The following GRIN2C variants were observed in gnomAD, a reference collection of about 807,000 sequenced individuals.
The protein encoded by GRIN2C is glutamate ionotropic receptor NMDA type subunit 2C, also known as glutamate receptor ionotropic, NMDA 2C.
Under a neutral mutation model 77.7 loss-of-function variants are expected in GRIN2C, and 64 were observed. That is an observed-to-expected ratio of 0.82 (90% CI 0.67 to 1.01). The LOEUF (loss-of-function observed/expected upper bound fraction) is 1.01, where lower values mean the gene tolerates loss of function less well. GRIN2C is among the 50% of genes least tolerant of loss of function. The pLI is 0.00. For missense variants in GRIN2C, 1,549 were observed against 1,486.0 expected, an observed-to-expected ratio of 1.04 and a Z score of -0.70; for synonymous variants, 792 against 643.4, an observed-to-expected ratio of 1.23 and a Z score of -3.49.
chr17:74,860,443 G>C (rs1295003495), upstream of GRIN2C: 6 of 456,622 alleles, frequency 1.3e-5, no homozygotes, highest in Non-Finnish European at 2.6e-5. Flanking sequence ...TTCCCGTCTT[G>C]CTCACCCAGC....
At position 74,859,506 on chromosome 17, in the gene GRIN2C, C is replaced by T. The variant is rs995543417; in HGVS notation, c.-16+238G>A. On this transcript the variant is annotated intron_variant, in intron 1 of 12. Coordinates refer to ENST00000293190, the MANE Select transcript of GRIN2C (RefSeq NM_000835.6). The surrounding 1 kb of genome is among the most constrained non-coding windows in gnomAD (Gnocchi z 5.9). ...ACCCACCAGCAGAACCCCCGGACCC[C>T]CTGCCCTTCCGGTGAGCCGCCCCTC... Among the ~76,000 whole-genome samples, 2 of 152,150 alleles carry T rather than the reference C, an allele frequency of 1.3e-5. No individual in the cohort carries two copies. Among genetic ancestry groups the T allele is most frequent in the African/African-American group, 4.8e-5 (2 of 41,436 alleles).
At position 74,849,458 on chromosome 17, in the gene GRIN2C, TC is replaced by T. The variant is rs1455344385; in HGVS notation, c.1645+321del. 6.6e-6 allele frequency among the ~76,000 whole-genome samples: 1 copy of T among 151,706 alleles called. No individual in the cohort carries two copies. The highest frequency in any genetic ancestry group is 1.5e-5 in the Non-Finnish European group (1 of 67,920). On this transcript the variant is annotated intron_variant, in intron 7 of 12. Transcript: ENST00000293190. The surrounding 1 kb of genome is among the most constrained non-coding windows in gnomAD (Gnocchi z 4.6). ...CTCGCTCCTCAACTCCCCACGGGCC[TC>T]CCCCACTCGTTCCACAGTCCTGGGC... is the stretch of plus-strand genomic sequence containing the variant.
At position 74,846,636 on chromosome 17, in the gene GRIN2C, C is replaced by T; in HGVS notation, c.2162+124G>A. 3.8e-6 allele frequency: 4 copies of T among 1,052,370 alleles called. No homozygotes were observed. Among genetic ancestry groups the T allele is most frequent in the Non-Finnish European group, 4.1e-6 (3 of 731,034 alleles). 65.2% of individuals were successfully genotyped at this position (1,052,370 alleles called of 1,614,324 possible). On this transcript the variant is annotated intron_variant, in intron 10 of 12. Coordinates refer to ENST00000293190, the MANE Select transcript of GRIN2C (RefSeq NM_000835.6). The surrounding 1 kb of genome is among the most constrained non-coding windows in gnomAD (Gnocchi z 4.4). ...CAAGCTCCACTCTGCCCCAAGACCT[C>T]TTCCCTCCACCCCACAGGAGTCCTG...
In GRIN2C at chr17:74,847,117, G is replaced by T; in HGVS notation, c.2001+191C>A. 1 of 722,412 alleles carries T rather than the reference G, an allele frequency of 1.4e-6. No homozygotes were observed. The highest frequency in any genetic ancestry group is 2.2e-6 in the Non-Finnish European group (1 of 445,390). 44.8% of individuals were successfully genotyped at this position (722,412 alleles called of 1,614,324 possible). A position where few individuals can be genotyped will look rare whatever the true frequency, so the allele number is the denominator to read the frequency against. ...CAAGACAGGGAGAGACTTACCCAAG[G>T]CCTCTCAGCCGGTGGCCCTGAGCCA... On this transcript the variant is annotated intron_variant, in intron 9 of 12. Coordinates refer to ENST00000293190, the MANE Select transcript of GRIN2C (RefSeq NM_000835.6). This position sits in a 1 kb window ranked among gnomAD's most constrained non-coding sequence, Gnocchi z 5.2.
Position 74,854,993 on chromosome 17 carries a change from C to T in GRIN2C, c.100G>A (p.Val34Met), listed in dbSNP as rs185678892. Residue 34 changes from valine (V) to methionine (M), a missense_variant, in exon 2 of 13, where the codon GTG (valine) becomes ATG (methionine). By Grantham distance (21) the Val-to-Met change is conservative. Transcript: ENST00000293190. Reference protein sequence around the residue: ...GQGEQGMTVAVVFSSSGPPQA... With the variant: ...GQGEQGMTVAMVFSSSGPPQA... The stretch of plus-strand genomic sequence containing the variant: ...GGCGGCCCTGAGCTGCTAAACACCA[C>T]GGCCACCGTCATGCCCTGCTCGCCC... The T allele has an allele frequency of 2.3e-5, 37 of 1,607,724 alleles. No homozygotes were observed. The highest frequency in any genetic ancestry group is 1.5e-4 in the African/African-American group (11 of 74,916).
Position 74,852,107 on chromosome 17 carries a change from T to A in GRIN2C, c.904A>T (p.Ser302Cys). Residue 302 changes from serine to cysteine, a missense_variant, in exon 3 of 13, where the codon AGC becomes TGC. Around this residue, in one of 3 missense-constraint regions of GRIN2C, gnomAD observed 717 missense variants for 858.1 expected, o/e 0.84. Transcript: ENST00000293190. Reference sequence around the variant, plus strand: ...AGGGTTCCATGCTGGCGCCAGTAGCTGTGGGCGCCCAGGGCCAGAATGGCC... The same window carrying A: ...AGGGTTCCATGCTGGCGCCAGTAGCAGTGGGCGCCCAGGGCCAGAATGGCC... Reference protein sequence around the residue: ...GVAILALGAHSYWRQHGTLPA... With the variant: ...GVAILALGAHCYWRQHGTLPA... The A allele has an allele frequency of 6.8e-7, 1 of 1,464,462 alleles. No homozygotes were observed. The highest frequency in any genetic ancestry group is 9.0e-7 in the Non-Finnish European group (1 of 1,106,902). 90.7% of individuals were successfully genotyped at this position (1,464,462 alleles called of 1,614,324 possible).
At position 74,850,169 on chromosome 17, in the gene GRIN2C, G is replaced by A. The variant is rs2144584564; in HGVS notation, c.1491+37C>T. ...ATGGGGCCTGGGCAGCAGGTGGGCA[G>A]GCAGGGCAGGTGAGGAGGGAGTGGG... On this transcript the variant is annotated intron_variant, in intron 6 of 12. Transcript: ENST00000293190. The surrounding 1 kb of genome is among the most constrained non-coding windows in gnomAD (Gnocchi z 5.3). The A allele has an allele frequency of 6.2e-7, 1 of 1,607,948 alleles. No homozygotes were observed. Among genetic ancestry groups the A allele is most frequent in the Non-Finnish European group, 8.5e-7 (1 of 1,176,900 alleles).
At position 74,854,915 on chromosome 17, in the gene GRIN2C, G is replaced by A. The variant is rs377641759; in HGVS notation, c.178C>T (p.Leu60=). Residue 60 remains leucine, a synonymous_variant, in exon 2 of 13, where the codon CTG becomes TTG. Coordinates refer to ENST00000293190, the MANE Select transcript of GRIN2C (RefSeq NM_000835.6). ...CCAACTGTGAGCGGCTGGATCTCCA[G>A]GGGTAGGTCCAGGAAGCTCTGGGGG... is the stretch of plus-strand genomic sequence containing the variant. The part of the protein sequence containing the change: ...LTPQSFLDLP[L]EIQPLTVGVN... 135 of 1,613,484 alleles carry A rather than the reference G, an allele frequency of 8.4e-5. No individual in the cohort carries two copies. Among genetic ancestry groups the A allele is most frequent in the Middle Eastern group, 1.6e-4 (1 of 6,072 alleles).
Position 74,843,509 on chromosome 17 carries a change from T to C in GRIN2C, c.2628A>G (p.Pro876=), listed in dbSNP as rs1439176834. 2 of 1,533,326 alleles carry C rather than the reference T, an allele frequency of 1.3e-6. No homozygotes were observed. Among genetic ancestry groups the C allele is most frequent in the Admixed American group, 2.0e-5 (1 of 50,946 alleles). 95.0% of individuals were successfully genotyped at this position (1,533,326 alleles called of 1,614,324 possible). A position where few individuals can be genotyped will look rare whatever the true frequency, so the allele number is the denominator to read the frequency against. The change falls in exon 13 of 13, where the codon CCA becomes CCG. Residue 876 remains proline (P), a synonymous_variant. Coordinates refer to ENST00000293190, the MANE Select transcript of GRIN2C (RefSeq NM_000835.6). ...CFSGVQSLAS[P]PRQASPDLTA... The stretch of plus-strand genomic sequence containing the variant: ...TGAGGTCCGGGCTGGCCTGCCGCGG[T>C]GGGCTGGCGAGGCTCTGCACCCCGC...
intron 1 of GRIN2C, among the ~76,000 whole-genome samples, chr17:74,856,481 C>CTTTTTTT (rs35686686): frequency 7.4e-6 from 1 of 135,272 alleles, no homozygotes; most frequent in South Asian, 2.4e-4. Context: ...CTCTCTCTCT[C>CTTTTTTT]TTTTTTTTTT....
upstream of GRIN2C, chr17:74,860,410 T>C (rs1190801602): frequency 2.2e-6 from 1 of 456,456 alleles, no homozygotes; most frequent in Admixed American, 2.3e-5. Flanking sequence ...ACGAATGGGG[T>C]GGGCATCAGG....
Position 74,847,132 on chromosome 17 carries a change from G to A in GRIN2C, c.2001+176C>T. On this transcript the variant is annotated intron_variant, in intron 9 of 12. Transcript: ENST00000293190. This position sits in a 1 kb window ranked among gnomAD's most constrained non-coding sequence, Gnocchi z 5.2. ...CTTACCCAAGGCCTCTCAGCCGGTG[G>A]CCCTGAGCCATCTCTTGCCCCAGCC... The A allele has an allele frequency of 1.4e-6, 1 of 715,182 alleles. No individual in the cohort carries two copies. The highest frequency in any genetic ancestry group is 2.3e-6 in the Non-Finnish European group (1 of 436,890). The allele number at this position is 715,182 out of a possible 1,614,324, so 44.3% of individuals were successfully genotyped here.
Position 74,850,013 on chromosome 17 carries a change from C to T in GRIN2C, c.1492-80G>A, listed in dbSNP as rs950854655. 6.8e-7 allele frequency: 1 copy of T among 1,471,738 alleles called. No individual in the cohort carries two copies. 91.2% of individuals were successfully genotyped at this position (1,471,738 alleles called of 1,614,324 possible). A position where few individuals can be genotyped will look rare whatever the true frequency, so the allele number is the denominator to read the frequency against. On this transcript the variant is annotated intron_variant, in intron 6 of 12. Coordinates refer to ENST00000293190, the MANE Select transcript of GRIN2C (RefSeq NM_000835.6). The surrounding 1 kb of genome is among the most constrained non-coding windows in gnomAD (Gnocchi z 5.3). The stretch of plus-strand genomic sequence containing the variant: ...GCTGCACAGGCACCTCCAGACACCC[C>T]TTCTAGCACCCACCAGCTGAGTCAA...
intron 12 of GRIN2C, chr17:74,844,060 G>C (rs2037384517): frequency 1.1e-6 from 1 of 907,050 alleles, no homozygotes; most frequent in East Asian, 2.7e-5. Context: ...TTTCTGTAGA[G>C]ATGGGTTTTC....
At chr17:74,845,285 G>T (rs1181201908) in intron 11 of GRIN2C, among the ~76,000 whole-genome samples, 5 of 118,616 alleles carry the variant, frequency 4.2e-5, no homozygotes, top group East Asian at 2.4e-4. Context: ...TTTTTTTTGA[G>T]ACAGGGTCTC....
rs1181279671 is a variant in GRIN2C at position 74,843,328 on chromosome 17, T to C, written c.2809A>G (p.Thr937Ala). 4.2e-5 allele frequency: 62 copies of C among 1,476,754 alleles called. No individual in the cohort carries two copies. Among genetic ancestry groups the C allele is most frequent in the Non-Finnish European group, 5.4e-5 (59 of 1,102,790 alleles). 91.5% of individuals were successfully genotyped at this position (1,476,754 alleles called of 1,614,324 possible). A position where few individuals can be genotyped will look rare whatever the true frequency, so the allele number is the denominator to read the frequency against. ...CATGGGCTGGGGCCAGACCGCGGGG[T>C]CGGGCAGGGGGACGGTGGGGGCGCA... ...RRAPPPSPCP[T>A]PRSGPSPCLP... The change falls in exon 13 of 13, where the codon ACC becomes GCC. Residue 937 changes from threonine to alanine, a missense_variant. Physicochemically the swap from Thr to Ala is moderately conservative, Grantham distance 58. Around this residue, in one of 3 missense-constraint regions of GRIN2C, gnomAD observed 450 missense variants for 267.9 expected, o/e 1.68. Coordinates refer to ENST00000293190, the MANE Select transcript of GRIN2C (RefSeq NM_000835.6).
intron 4 of GRIN2C, 108 bp downstream of exon 4, chr17:74,851,469 A>G: frequency 1.5e-6 from 1 of 649,164 alleles, no homozygotes; most frequent in Non-Finnish European, 2.8e-6. Flanking sequence ...CTGGAAGATG[A>G]GGGGTTGGAT....
At position 74,847,152 on chromosome 17, in the gene GRIN2C, C is replaced by CCAG. The variant is rs2037482552; in HGVS notation, c.2001+153_2001+155dup. ...CGGTGGCCCTGAGCCATCTCTTGCC[C>CCAG]CAGCCCCCAACCCCTTCTCAGCAGG... On this transcript the variant is annotated intron_variant, in intron 9 of 12. Transcript: ENST00000293190. This position sits in a 1 kb window ranked among gnomAD's most constrained non-coding sequence, Gnocchi z 5.2. 1 of 734,944 alleles carries CCAG rather than the reference C, an allele frequency of 1.4e-6. No individual in the cohort carries two copies. The highest frequency in any genetic ancestry group is 1.8e-5 in the African/African-American group (1 of 56,768). 45.5% of individuals were successfully genotyped at this position (734,944 alleles called of 1,614,324 possible).
Position 74,850,456 on chromosome 17 carries a change from G to C in GRIN2C, c.1326-85C>G. 1.9e-6 allele frequency: 3 copies of C among 1,566,938 alleles called. No individual in the cohort carries two copies. Among genetic ancestry groups the C allele is most frequent in the Non-Finnish European group, 2.6e-6 (3 of 1,145,404 alleles). On this transcript the variant is annotated intron_variant, in intron 5 of 12. Transcript: ENST00000293190. The surrounding 1 kb of genome is among the most constrained non-coding windows in gnomAD (Gnocchi z 5.3). ...CCCAGCCACTCCTCCAGCCTGGCAC[G>C]TGGACCCCTGCCCCACACCCAAGCA...
Sources: allele counts gnomAD v4.1 joint callset (sites outside exome capture counted in the v4.1 genomes callset), GRCh38; gene constraint gnomAD v4.1.1; regional missense constraint gnomAD v4.1.1; non-coding constraint Gnocchi (gnomAD v3.1); transcripts MANE v1.5; gene names NCBI Gene and HGNC (gene_info 2026-07-23, HGNC 2026-07-21).